The following FAM78A variants were observed in gnomAD, a reference collection of about 807,000 sequenced individuals.
FAM78A encodes protein FAM78A.
FAM78A carries 12 observed loss-of-function variants against 22.6 expected under a neutral mutation model. The ratio of observed to expected loss-of-function variants is 0.53; its 90% CI spans 0.34 to 0.86. The LOEUF (loss-of-function observed/expected upper bound fraction) is 0.86. Ranked by LOEUF, FAM78A falls within the 40% of genes least tolerant of loss-of-function variation. The probability of loss-of-function intolerance (pLI) is 0.02; values close to 1 mark genes in which losing one functional copy is unlikely to be tolerated. For missense variants in FAM78A, 322 were observed against 396.1 expected (o/e 0.81, Z 1.59); for synonymous variants, 151 against 155.8 (o/e 0.97, Z 0.23).
rs1835275553 is a variant in FAM78A, at chr9:131,261,891, C to G, written c.324-541G>C. Reference sequence around the variant, plus strand: ...TGCGCCCACTGCGCCTTCTGCTCACCTACGTGCACAGCGGGTACTCCCAGG... The same window carrying G: ...TGCGCCCACTGCGCCTTCTGCTCACGTACGTGCACAGCGGGTACTCCCAGG... On this transcript the variant is annotated intron_variant, in intron 1 of 1. Coordinates refer to ENST00000372271, the MANE Select transcript of FAM78A (RefSeq NM_033387.4). The surrounding 1 kb of genome is among the most constrained non-coding windows in gnomAD (Gnocchi z 7.1). Among the ~76,000 whole-genome samples, 1 of 152,180 alleles carries G rather than the reference C, an allele frequency of 6.6e-6. No homozygotes were observed. The highest frequency in any genetic ancestry group is 2.1e-4 in the South Asian group (1 of 4,834).
At position 131,275,526 on chromosome 9, in the gene FAM78A, C is replaced by T. The variant is rs963949321; in HGVS notation, c.323+331G>A. Among the ~76,000 whole-genome samples the T allele has an allele frequency of 6.6e-6, 1 of 152,224 alleles. No individual in the cohort carries two copies. The highest frequency in any genetic ancestry group is 1.5e-5 in the Non-Finnish European group (1 of 68,048). On this transcript the variant is annotated intron_variant, in intron 1 of 1. Coordinates refer to ENST00000372271, the MANE Select transcript of FAM78A (RefSeq NM_033387.4). This position sits in a 1 kb window ranked among gnomAD's most constrained non-coding sequence, Gnocchi z 4.6. The stretch of plus-strand genomic sequence containing the variant: ...GGTGACCCCTGATGGCACAGACACT[C>T]CTCAGGCGGACGGCACACTTGCTCT...
In FAM78A at chr9:131,260,348, G is replaced by A. The variant is rs563502546; in HGVS notation, c.*474C>T. On this transcript the variant is annotated 3_prime_UTR_variant, in exon 2 of 2. Coordinates refer to ENST00000372271, the MANE Select transcript of FAM78A (RefSeq NM_033387.4). The surrounding 1 kb of genome is among the most constrained non-coding windows in gnomAD (Gnocchi z 5.4). Reference sequence around the variant, plus strand: ...TGGCAAAGCAAGTCTACATAAGGCCGCATGACAGAGGGCGGAGGGACCTGG... The same window carrying A: ...TGGCAAAGCAAGTCTACATAAGGCCACATGACAGAGGGCGGAGGGACCTGG... 2.0e-3 allele frequency: 309 copies of A among 157,300 alleles called. 1 individual carries two copies. Among genetic ancestry groups the A allele is most frequent in the Non-Finnish European group, 3.5e-3 (253 of 71,402 alleles). 9.7% of individuals were successfully genotyped at this position (157,300 alleles called of 1,614,324 possible). A position where few individuals can be genotyped will look rare whatever the true frequency, so the allele number is the denominator to read the frequency against.
At position 131,274,189 on chromosome 9, in the gene FAM78A, C is replaced by T. The variant is rs1835453038; in HGVS notation, c.323+1668G>A. On this transcript the variant is annotated intron_variant, in intron 1 of 1. Transcript: ENST00000372271. The surrounding 1 kb of genome is among the most constrained non-coding windows in gnomAD (Gnocchi z 4.2). ...TTGGGTCAGGCCTGTGGCCTCCCCA[C>T]CACACGTTGCACCAACCACATTAGC... 6.6e-6 allele frequency among the ~76,000 whole-genome samples: 1 copy of T among 152,262 alleles called. No individual in the cohort carries two copies. The highest frequency in any genetic ancestry group is 2.4e-5 in the African/African-American group (1 of 41,474).
At chr9:131,271,870 G>C (rs960367195) in intron 1 of FAM78A, among the ~76,000 whole-genome samples, 1 of 151,908 alleles carries the variant, frequency 6.6e-6, no homozygotes, top group African/African-American at 2.4e-5. Flanking sequence ...GGGCTGTGGA[G>C]GCAGGTGTCT....
At chr9:131,277,485 C>G (rs1165552187), upstream of FAM78A, among the ~76,000 whole-genome samples, 1 of 151,888 alleles carries the variant, frequency 6.6e-6, no homozygotes, top group African/African-American at 2.4e-5. This position sits in a 1 kb window ranked among gnomAD's most constrained non-coding sequence, Gnocchi z 8.4. Context: ...GCGTCGGGCG[C>G]GCTCGCCGCT....
chr9:131,276,945 T>C (rs900163710), upstream of FAM78A, among the ~76,000 whole-genome samples: 5 of 149,230 alleles, frequency 3.4e-5, no homozygotes, highest in African/African-American at 1.2e-4. The surrounding 1 kb of genome is among the most constrained non-coding windows in gnomAD (Gnocchi z 4.3). Flanking sequence ...GCCGAGGACC[T>C]GGTGGGAGGT....
intron 1 of FAM78A, among the ~76,000 whole-genome samples, chr9:131,262,035 T>C (rs1474711033): frequency 6.6e-6 from 1 of 151,924 alleles, no homozygotes; most frequent in Non-Finnish European, 1.5e-5. Flanking sequence ...AAGACCAGCC[T>C]GGCCAACATG....
At chr9:131,279,902 C>T (rs554839927), upstream of FAM78A, among the ~76,000 whole-genome samples, 37 of 152,326 alleles carry the variant, frequency 2.4e-4, no homozygotes, top group African/African-American at 8.4e-4. Context: ...AGCTCCAAAG[C>T]CCACATTCAG....
chr9:131,271,716 T>C (rs1183304776), intron 1 of FAM78A, among the ~76,000 whole-genome samples: 1 of 152,262 alleles, frequency 6.6e-6, no homozygotes, highest in Non-Finnish European at 1.5e-5. Context: ...TGGGCGTGGC[T>C]GTGGGCCAGG....
Position 131,276,287 on chromosome 9 carries a change from G to T in FAM78A, c.-108C>A. ...AAAACTCACTGAGTAGACTGGGGTT[G>T]CATATATCACTACCGCGGCCTGTTT... On this transcript the variant is annotated 5_prime_UTR_variant, in exon 1 of 2. Transcript: ENST00000372271. This position sits in a 1 kb window ranked among gnomAD's most constrained non-coding sequence, Gnocchi z 4.3. The T allele has an allele frequency of 1.2e-6, 1 of 858,594 alleles. No individual in the cohort carries two copies. Among genetic ancestry groups the T allele is most frequent in the Non-Finnish European group, 1.8e-6 (1 of 562,764 alleles). 53.2% of individuals were successfully genotyped at this position (858,594 alleles called of 1,614,324 possible).
upstream of FAM78A, among the ~76,000 whole-genome samples, chr9:131,278,644 C>T (rs1490056216): frequency 6.6e-6 from 1 of 152,208 alleles, no homozygotes; most frequent in Non-Finnish European, 1.5e-5. Context: ...CAAGGTCCTT[C>T]CCCCCGTCCC....
In FAM78A at chr9:131,261,836, G is replaced by A. The variant is rs2131150574; in HGVS notation, c.324-486C>T. ...GGGACCCCGGCGCATTTCCACCAAG[G>A]CACCTGTAACAGGGAAGCTCAGGAC... On this transcript the variant is annotated intron_variant, in intron 1 of 1. Transcript: ENST00000372271. The surrounding 1 kb of genome is among the most constrained non-coding windows in gnomAD (Gnocchi z 7.1). 6.6e-6 allele frequency among the ~76,000 whole-genome samples: 1 copy of A among 152,312 alleles called. No homozygotes were observed. Among genetic ancestry groups the A allele is most frequent in the East Asian group, 1.9e-4 (1 of 5,172 alleles).
Position 131,276,126 on chromosome 9 carries a change from CAGG to C in FAM78A, c.51_53del (p.Leu18del). The C allele has an allele frequency of 6.2e-7, 1 of 1,613,640 alleles. No individual in the cohort carries two copies. Among genetic ancestry groups the C allele is most frequent in the Non-Finnish European group, 8.5e-7 (1 of 1,179,990 alleles). On this transcript the variant is annotated inframe_deletion, in exon 1 of 2. Coordinates refer to ENST00000372271, the MANE Select transcript of FAM78A (RefSeq NM_033387.4). This position sits in a 1 kb window ranked among gnomAD's most constrained non-coding sequence, Gnocchi z 4.3. Reference sequence around the variant, plus strand: ...TGCTCTGAATACAGCCCATGGCATACAGGAGCGCTCTGATCTCCAGGGAAGGCC... The same window carrying C: ...TGCTCTGAATACAGCCCATGGCATACAGCGCTCTGATCTCCAGGGAAGGCC...
intron 1 of FAM78A, chr9:131,264,655 G>A (rs1258919757): frequency 1.4e-6 from 1 of 716,776 alleles, no homozygotes; most frequent in Non-Finnish European, 2.6e-6. Flanking sequence ...GCAGTTAGAA[G>A]TGTGCCTCTC....
At chr9:131,279,663 C>T (rs1163956577), upstream of FAM78A, among the ~76,000 whole-genome samples, 1 of 152,212 alleles carries the variant, frequency 6.6e-6, no homozygotes, top group Non-Finnish European at 1.5e-5. Context: ...CGGGGGTGGG[C>T]TCTCTTCAAG....
At chr9:131,277,125 A>G (rs1240503228), upstream of FAM78A, among the ~76,000 whole-genome samples, 2 of 150,392 alleles carry the variant, frequency 1.3e-5, no homozygotes, top group Non-Finnish European at 3.0e-5. This position sits in a 1 kb window ranked among gnomAD's most constrained non-coding sequence, Gnocchi z 8.4. Context: ...CCGCCCCGTC[A>G]GTGGCGGCCG....
rs1835406079 is a variant in FAM78A at position 131,270,607 on chromosome 9, C to T, written c.323+5250G>A. On this transcript the variant is annotated intron_variant, in intron 1 of 1. Transcript: ENST00000372271. ...CCCAAAGCCTTGAAACAAGGACTTCCCTCTCCCACCCACCCCGCCCTTGCC... is the reference window on the plus strand; with the variant it reads ...CCCAAAGCCTTGAAACAAGGACTTCTCTCTCCCACCCACCCCGCCCTTGCC... The T allele has an allele frequency of 4.3e-6, 3 of 696,586 alleles. No homozygotes were observed. The African/African-American group carries it at 5.3e-5, about 12-fold the overall frequency. The allele number at this position is 696,586 out of a possible 1,614,324, so 43.2% of individuals were successfully genotyped here.
At chr9:131,269,410 T>G (rs352965) in intron 1 of FAM78A, among the ~76,000 whole-genome samples, 14,729 of 152,162 alleles carry the variant, frequency 0.097, 934 homozygotes, top group Non-Finnish European at 0.14. Flanking sequence ...CACTCCCTCT[T>G]GAGGGGACAC....
At chr9:131,264,415 G>C (rs1322800424) in intron 1 of FAM78A, 1 of 588,324 alleles carries the variant, frequency 1.7e-6, no homozygotes, top group Non-Finnish European at 3.1e-6. Flanking sequence ...CCCTCCACCT[G>C]GGGGTTGCAG....
Sources: gnomAD v4.1 joint callset for allele counts (sites outside exome capture counted in the v4.1 genomes callset) on GRCh38, gnomAD v4.1.1 for gene constraint, Gnocchi (gnomAD v3.1) non-coding constraint, MANE v1.5 for transcripts, NCBI Gene and HGNC (gene_info 2026-07-23, HGNC 2026-07-21) for gene names.